The following IPCEF1 variants were observed in gnomAD, a reference collection of about 807,000 sequenced individuals.
IPCEF1 encodes the protein interactor protein for cytohesin exchange factors 1.
IPCEF1 carries 31 observed loss-of-function variants against 50.9 expected under a neutral mutation model. The observed-to-expected ratio is 0.61, with a 90% CI of 0.46 to 0.82. The LOEUF is 0.82. Ranked by LOEUF, IPCEF1 falls within the 40% of genes least tolerant of loss-of-function variation. The pLI is 0.00. For missense variants in IPCEF1, 458 were observed against 514.0 expected, an observed-to-expected ratio of 0.89 and a Z score of 1.05; for synonymous variants, 181 against 192.0, an observed-to-expected ratio of 0.94 and a Z score of 0.47.
At chr6:154,164,647 A>G (rs958842878) in intron 11 of IPCEF1, among the ~76,000 whole-genome samples, 2 of 152,208 alleles carry the variant, frequency 1.3e-5, no homozygotes, top group African/African-American at 4.8e-5. Context: ...CCAAATAGTC[A>G]GTGTGTGGCT....
chr6:154,266,161 A>G (rs916381346), intron 2 of IPCEF1, among the ~76,000 whole-genome samples, 197 bp from the exon 3 acceptor site: 1 of 152,050 alleles, frequency 6.6e-6, no homozygotes, highest in African/African-American at 2.4e-5. Context: ...CCAAGGCAGG[A>G]GGATTGCTTG....
intron 10 of IPCEF1, among the ~76,000 whole-genome samples, chr6:154,174,533 T>A (rs1253287936): frequency 6.6e-6 from 1 of 151,956 alleles, no homozygotes; most frequent in African/African-American, 2.4e-5. Flanking sequence ...TGGTCTCTGA[T>A]AAAACAGACT....
intron 1 of IPCEF1, chr6:154,329,886 G>C (rs538659033): frequency 1.3e-5 from 2 of 152,340 alleles, no homozygotes; most frequent in East Asian, 3.9e-4. Flanking sequence ...GAGAGTCTTT[G>C]TTTTGAATCT....
intron 1 of IPCEF1, among the ~76,000 whole-genome samples, chr6:154,348,062 T>C (rs1784065265): frequency 6.6e-6 from 1 of 152,180 alleles, no homozygotes; most frequent in Admixed American, 6.5e-5. Context: ...TGTGTTTTGG[T>C]GACTCGGTGT....
intron 5 of IPCEF1, among the ~76,000 whole-genome samples, chr6:154,225,273 A>C (rs909678714): frequency 6.6e-6 from 1 of 152,218 alleles, no homozygotes; most frequent in Non-Finnish European, 1.5e-5. Flanking sequence ...GAATTGAAAA[A>C]GGGTACTCAA....
intron 2 of IPCEF1, among the ~76,000 whole-genome samples, chr6:154,268,724 G>T (rs574969312): frequency 6.6e-6 from 1 of 151,132 alleles, no homozygotes; most frequent in Non-Finnish European, 1.5e-5. Flanking sequence ...GGTTGTTTCC[G>T]TATCTGTTTC....
intron 9 of IPCEF1, among the ~76,000 whole-genome samples, chr6:154,203,892 G>A (rs956805029): frequency 6.6e-6 from 1 of 152,176 alleles, no homozygotes; most frequent in Non-Finnish European, 1.5e-5. Flanking sequence ...CCTCCATAAA[G>A]TTGCTGAGTG....
chr6:154,200,747 G>A (rs893609980), intron 9 of IPCEF1, among the ~76,000 whole-genome samples: 1 of 152,074 alleles, frequency 6.6e-6, no homozygotes, highest in African/African-American at 2.4e-5. Context: ...AGCAAAAGCT[G>A]GAGCCATTCC....
chr6:154,247,625 C>G lies in IPCEF1; in HGVS notation c.37-137G>C, dbSNP rs557258785. ...AAAAAACTCTCCAGGCAGAGCTTAA[C>G]GGGGAGCTACTAGCTGAGGCACAAA... On this transcript the variant is annotated intron_variant, in intron 3 of 11. Transcript: ENST00000367220. 8.2e-6 allele frequency: 5 copies of G among 609,024 alleles called. No homozygotes were observed. In the South Asian group the frequency reaches 8.9e-5, roughly 11 times the overall value. The allele number at this position is 609,024 out of a possible 1,614,324, so 37.7% of individuals were successfully genotyped here.
intron 3 of IPCEF1, among the ~76,000 whole-genome samples, chr6:154,259,894 G>C (rs1781553293): frequency 6.6e-6 from 1 of 152,088 alleles, no homozygotes; most frequent in African/African-American, 2.4e-5. Flanking sequence ...TTTCAACATA[G>C]GGTTATGTTG....
At chr6:154,271,711 C>T (rs1781906623) in intron 2 of IPCEF1, among the ~76,000 whole-genome samples, 1 of 152,098 alleles carries the variant, frequency 6.6e-6, no homozygotes, top group South Asian at 2.1e-4. Flanking sequence ...AGGCCGGGTT[C>T]AATGGCTCAC....
intron 1 of IPCEF1, among the ~76,000 whole-genome samples, chr6:154,307,850 C>T (rs1782975496): frequency 6.6e-6 from 1 of 152,196 alleles, no homozygotes; most frequent in African/African-American, 2.4e-5. Flanking sequence ...CTGAGTGCCT[C>T]CTCTGTGTAC....
intron 5 of IPCEF1, among the ~76,000 whole-genome samples, chr6:154,245,298 T>A (rs1456650160): frequency 6.6e-5 from 10 of 150,520 alleles, no homozygotes; most frequent in African/African-American, 2.5e-5. Flanking sequence ...AAAAAAAAAA[T>A]GTATTTTTAT....
chr6:154,280,788 C>T (rs1243881710), intron 2 of IPCEF1, among the ~76,000 whole-genome samples: 1 of 152,162 alleles, frequency 6.6e-6, no homozygotes, highest in Non-Finnish European at 1.5e-5. Context: ...TATTCTATTT[C>T]TTGACTGAAG....
intron 8 of IPCEF1, among the ~76,000 whole-genome samples, chr6:154,213,655 G>C (rs556961064): frequency 6.6e-6 from 1 of 152,122 alleles, no homozygotes; most frequent in Non-Finnish European, 1.5e-5. Context: ...CAGTGGCCCT[G>C]GCAGCTAAAT....
At chr6:154,278,160 A>G (rs1263435917) in intron 2 of IPCEF1, among the ~76,000 whole-genome samples, 1 of 152,256 alleles carries the variant, frequency 6.6e-6, no homozygotes, top group East Asian at 1.9e-4. Context: ...AAACTCCTGC[A>G]TAGAAAAAAA....
At position 154,221,014 on chromosome 6, in the gene IPCEF1, G is replaced by C. The variant is rs557042770; in HGVS notation, c.392+243C>G. Among the ~76,000 whole-genome samples, 11 of 152,246 alleles carry C rather than the reference G, an allele frequency of 7.2e-5. No individual in the cohort carries two copies. In the South Asian group the frequency reaches 2.3e-3, roughly 32 times the overall value. On this transcript the variant is annotated intron_variant, in intron 7 of 11. Transcript: ENST00000367220. ...TTAACATGTTCTTTTAATGACTTCT[G>C]TCCACTCCTTTTTCAACTTAGTGGT...
At chr6:154,279,977 G>A (rs1226102861) in intron 2 of IPCEF1, among the ~76,000 whole-genome samples, 1 of 152,154 alleles carries the variant, frequency 6.6e-6, no homozygotes, top group East Asian at 1.9e-4. Context: ...TTAACAATCA[G>A]GGAAATGCAA....
chr6:154,208,157 TAAC>T (rs1284764075), intron 9 of IPCEF1, among the ~76,000 whole-genome samples: 11 of 152,274 alleles, frequency 7.2e-5, no homozygotes, highest in African/African-American at 2.6e-4. Context: ...CTAAAGTCCT[TAAC>T]TGGCCCATAT....
Sources: allele counts gnomAD v4.1 joint callset (sites outside exome capture counted in the v4.1 genomes callset), GRCh38; gene constraint gnomAD v4.1.1; transcripts MANE v1.5; gene names NCBI Gene and HGNC (gene_info 2026-07-23, HGNC 2026-07-21).